DGKH: variants seen among roughly 807,000 people sequenced by gnomAD.
DGKH encodes the protein DAG kinase eta.
A neutral mutation model predicts 159.3 loss-of-function variants in DGKH; 90 were observed. That is an observed-to-expected ratio of 0.57 (90% CI 0.48 to 0.67). The LOEUF (loss-of-function observed/expected upper bound fraction) is 0.67. Among genes scored for constraint, DGKH ranks in the 30% least tolerant of loss-of-function variants. The pLI, the probability that DGKH is intolerant of heterozygous loss-of-function variation, is 0.00. For missense variants in DGKH, 1,181 were observed against 1,506.1 expected (o/e 0.78, Z 3.57); for synonymous variants, 536 against 553.8 (o/e 0.97, Z 0.45).
chr13:42,175,651 CT>C (rs1483441434), intron 12 of DGKH, among the ~76,000 whole-genome samples: 1 of 152,054 alleles, frequency 6.6e-6, no homozygotes, highest in Non-Finnish European at 1.5e-5. Flanking sequence ...GGAAATCTCT[CT>C]TTTTTTGTAC....
At chr13:42,225,418 A>T in intron 29 of DGKH, 2 of 1,209,306 alleles carry the variant, frequency 1.7e-6, no homozygotes, top group Non-Finnish European at 2.3e-6. Context: ...ATAACTGAAT[A>T]TCTACAAAGC....
chr13:42,222,727 G>A (rs1958012341), intron 29 of DGKH, among the ~76,000 whole-genome samples: 1 of 152,146 alleles, frequency 6.6e-6, no homozygotes, highest in African/African-American at 2.4e-5. Context: ...TCCTCTAGAA[G>A]CATGCACCGC....
At chr13:42,134,943 C>T (rs1955369991) in intron 3 of DGKH, among the ~76,000 whole-genome samples, 1 of 151,860 alleles carries the variant, frequency 6.6e-6, no homozygotes, top group African/African-American at 2.4e-5. Context: ...TGCCACTGCA[C>T]TCCAGCCTGG....
chr13:42,066,530 C>A (rs1381957531), intron 1 of DGKH: 1 of 152,166 alleles, frequency 6.6e-6, no homozygotes, highest in Admixed American at 6.5e-5. Context: ...CTTCCTTATT[C>A]ATGGTTTCAG....
intron 1 of DGKH, among the ~76,000 whole-genome samples, chr13:42,093,764 G>A (rs531321428): frequency 1.3e-5 from 2 of 152,300 alleles, no homozygotes; most frequent in South Asian, 4.1e-4. Context: ...GTCATAAAGG[G>A]ATATTTCTGT....
intron 24 of DGKH, 74 bp downstream of exon 24, chr13:42,210,839 A>G: frequency 7.2e-7 from 1 of 1,387,778 alleles, no homozygotes. Context: ...TAATCTTAAT[A>G]CATTGTTTCA....
At chr13:42,055,255 T>G (rs1881669985) in intron 1 of DGKH, among the ~76,000 whole-genome samples, 1 of 152,194 alleles carries the variant, frequency 6.6e-6, no homozygotes, top group African/African-American at 2.4e-5. Flanking sequence ...AGGGACCAAA[T>G]AAAGCTAGAT....
intron 1 of DGKH, among the ~76,000 whole-genome samples, chr13:42,072,215 G>A (rs1883020657): frequency 1.3e-5 from 2 of 152,224 alleles, no homozygotes; most frequent in Admixed American, 6.5e-5. Context: ...GCAATGCAGT[G>A]TTGTGGTTAA....
chr13:42,108,711 A>G (rs1954807414), intron 1 of DGKH, among the ~76,000 whole-genome samples: 1 of 152,194 alleles, frequency 6.6e-6, no homozygotes, highest in Admixed American at 6.5e-5. Flanking sequence ...GGAGTTATGT[A>G]TATATTTAGA....
At chr13:42,095,169 T>TTTTTTTTTTTTTA (rs1954500051) in intron 1 of DGKH, among the ~76,000 whole-genome samples, 1 of 138,678 alleles carries the variant, frequency 7.2e-6, no homozygotes, top group Non-Finnish European at 1.6e-5. Flanking sequence ...TTTTTTTTTT[T>TTTTTTTTTTTTTA]TTTTTTTTTT....
At chr13:42,213,233 G>T (rs547729746) in intron 24 of DGKH, among the ~76,000 whole-genome samples, 1 of 152,174 alleles carries the variant, frequency 6.6e-6, no homozygotes, top group Admixed American at 6.5e-5. Flanking sequence ...CAAGATTAAA[G>T]ACAGTTTAGG....
intron 20 of DGKH, among the ~76,000 whole-genome samples, chr13:42,201,762 TTA>T (rs1307306981): frequency 1.3e-5 from 2 of 152,174 alleles, no homozygotes; most frequent in African/African-American, 4.8e-5. Context: ...CAACATATTT[TTA>T]TGTTGCTAAA....
intron 1 of DGKH, among the ~76,000 whole-genome samples, chr13:42,097,204 G>T (rs1954556825): frequency 6.6e-6 from 1 of 152,132 alleles, no homozygotes; most frequent in Non-Finnish European, 1.5e-5. Context: ...CTGGGAAATT[G>T]TCTTGAATTA....
chr13:42,198,475 C>G lies in DGKH; in HGVS notation c.2168-3C>G, dbSNP rs769307416. ...TCCCATATGTGTTTGCTTTTCTTTC[C>G]AGGTTTAAGAGCAGGACTGGCTGCC... On this transcript the variant is annotated splice_polypyrimidine_tract_variant and splice_region_variant and intron_variant, in intron 17 of 29. Coordinates refer to ENST00000337343, the MANE Select transcript of DGKH (RefSeq NM_178009.5). The G allele has an allele frequency of 6.2e-7, 1 of 1,611,174 alleles. No individual in the cohort carries two copies. Among genetic ancestry groups the G allele is most frequent in the East Asian group, 2.2e-5 (1 of 44,846 alleles).
Position 42,230,957 on chromosome 13 carries a change from A to G in DGKH, c.*1769A>G, listed in dbSNP as rs969523335. 4 of 152,240 alleles carry G rather than the reference A, an allele frequency of 2.6e-5. No individual in the cohort carries two copies. Among genetic ancestry groups the G allele is most frequent in the African/African-American group, 9.6e-5 (4 of 41,460 alleles). 9.4% of individuals were successfully genotyped at this position (152,240 alleles called of 1,614,324 possible). Reference sequence around the variant, plus strand: ...ATCACAAAATTTTAATGTCTTTAAAATAAATGACCCTGAGGGATTCCTGAC... The same window carrying G: ...ATCACAAAATTTTAATGTCTTTAAAGTAAATGACCCTGAGGGATTCCTGAC... On this transcript the variant is annotated 3_prime_UTR_variant, in exon 30 of 30. Coordinates refer to ENST00000337343, the MANE Select transcript of DGKH (RefSeq NM_178009.5).
rs1249902514 is a variant in DGKH, at chr13:42,066,953, A to T, written c.192+17988A>T. Among the ~76,000 whole-genome samples the T allele has an allele frequency of 2.6e-5, 4 of 152,156 alleles. No individual in the cohort carries two copies. In the South Asian group the frequency reaches 8.3e-4, roughly 32 times the overall value. ...TACATTTTGTTTAAAGAATGTATGT[A>T]TATGTTTTATTAAGAATATAACATA... is the stretch of plus-strand genomic sequence containing the variant. On this transcript the variant is annotated intron_variant, in intron 1 of 29. Coordinates refer to ENST00000337343, the MANE Select transcript of DGKH (RefSeq NM_178009.5).
rs189424815 is a variant in DGKH, at chr13:42,164,386, T to A, written c.856-945T>A. ...CTAGTTTTTCTAAAATGCATTTGGATTGTTAATTATTGTAAAGCATAATAG... is the reference window on the plus strand; with the variant it reads ...CTAGTTTTTCTAAAATGCATTTGGAATGTTAATTATTGTAAAGCATAATAG... On this transcript the variant is annotated intron_variant, in intron 7 of 29. Transcript: ENST00000337343. Among the ~76,000 whole-genome samples, 94 of 152,344 alleles carry A rather than the reference T, an allele frequency of 6.2e-4. 1 individual carries two copies. The highest frequency in any genetic ancestry group is 2.1e-3 in the African/African-American group (86 of 41,592).
At chr13:42,072,073 G>A (rs1883011920) in intron 1 of DGKH, among the ~76,000 whole-genome samples, 1 of 152,152 alleles carries the variant, frequency 6.6e-6, no homozygotes, top group African/African-American at 2.4e-5. Context: ...GCTCCTATGA[G>A]TTCATATTGC....
intron 14 of DGKH, among the ~76,000 whole-genome samples, chr13:42,187,399 CAG>C (rs1358083215): frequency 4.6e-5 from 7 of 151,998 alleles, no homozygotes; most frequent in Admixed American, 6.6e-5. Flanking sequence ...TTTTTGGAGA[CAG>C]AGTCTTGCTC....
Sources: gnomAD v4.1 joint callset for allele counts (sites outside exome capture counted in the v4.1 genomes callset) on GRCh38, gnomAD v4.1.1 for gene constraint, MANE v1.5 for transcripts, NCBI Gene and HGNC (gene_info 2026-07-23, HGNC 2026-07-21) for gene names.